CSMD1: variants seen among roughly 807,000 people sequenced by gnomAD.
The protein encoded by CSMD1 is CUB and Sushi multiple domains 1.
CSMD1 carries 213 observed loss-of-function variants against 417.5 expected under a neutral mutation model. The ratio of observed to expected loss-of-function variants is 0.51; its 90% CI spans 0.46 to 0.57. The LOEUF is 0.57. CSMD1 is among the 20% of genes least tolerant of loss of function. The pLI, the probability that CSMD1 is intolerant of heterozygous loss-of-function variation, is 0.00. For missense variants in CSMD1, 6,923 were observed against 4,529.7 expected, an observed-to-expected ratio of 1.53 and a Z score of -15.17; for synonymous variants, 2,862 against 1,736.8, an observed-to-expected ratio of 1.65 and a Z score of -16.11.
intron 27 of CSMD1, among the ~76,000 whole-genome samples, chr8:3,228,482 A>C (rs1798644159): frequency 1.3e-5 from 2 of 152,216 alleles, no homozygotes; most frequent in Non-Finnish European, 2.9e-5. Context: ...ATAATTGATT[A>C]TTCATCTGCC....
chr8:4,772,383 G>C (rs140154384), intron 1 of CSMD1, among the ~76,000 whole-genome samples: 229 of 152,224 alleles, frequency 1.5e-3, no homozygotes, highest in African/African-American at 5.2e-3. Context: ...TTGAGGACTT[G>C]AGTGGTTAGG....
rs542015291 is a variant in CSMD1 at position 3,601,519 on chromosome 8, G to A, written c.1097+15191C>T. Among the ~76,000 whole-genome samples, 339 of 152,264 alleles carry A rather than the reference G, an allele frequency of 2.2e-3. 2 individuals are homozygous for A. The highest frequency in any genetic ancestry group is 7.8e-3 in the African/African-American group (322 of 41,548). The stretch of plus-strand genomic sequence containing the variant: ...AGGCCAATGGTTACCAACCTCGCTT[G>A]CACATCAGAATCACAGCAGGCACTT... On this transcript the variant is annotated intron_variant, in intron 8 of 69. Transcript: ENST00000635120.
intron 1 of CSMD1, among the ~76,000 whole-genome samples, chr8:4,851,054 A>T (rs999818536): frequency 3.3e-5 from 5 of 151,848 alleles, no homozygotes; most frequent in African/African-American, 9.7e-5. Context: ...ACCCATTAAC[A>T]CATCATTTAG....
intron 3 of CSMD1, among the ~76,000 whole-genome samples, chr8:4,068,612 G>A (rs77845634): frequency 1.3e-5 from 2 of 151,894 alleles, no homozygotes; most frequent in South Asian, 2.1e-4. Context: ...AACATATCTA[G>A]TTCATATAAT....
chr8:3,287,619 A>G (rs1363527827), intron 25 of CSMD1, among the ~76,000 whole-genome samples: 2 of 152,252 alleles, frequency 1.3e-5, no homozygotes, highest in African/African-American at 4.8e-5. Context: ...TTATTGGCAT[A>G]TGAGAATGCT....
chr8:4,955,427 G>A (rs1337928186), intron 1 of CSMD1, among the ~76,000 whole-genome samples: 1 of 150,522 alleles, frequency 6.6e-6, no homozygotes, highest in African/African-American at 2.5e-5. Flanking sequence ...TTTGGTGGAT[G>A]CACTACTTCG....
intron 3 of CSMD1, among the ~76,000 whole-genome samples, chr8:4,197,038 A>G (rs1799377476): frequency 6.6e-6 from 1 of 152,176 alleles, no homozygotes; most frequent in Non-Finnish European, 1.5e-5. Context: ...CTTTTCTGTT[A>G]AATTTAACAA....
Position 4,027,022 on chromosome 8 carries a change from G to A in CSMD1, c.610+4883C>T, listed in dbSNP as rs917654918. On this transcript the variant is annotated intron_variant, in intron 4 of 69. Transcript: ENST00000635120. ...ATGACAGATAATAAGCTAACCACATGATGTCAAGGAACACAGAACTTGGAA... is the reference window on the plus strand; with the variant it reads ...ATGACAGATAATAAGCTAACCACATAATGTCAAGGAACACAGAACTTGGAA... 3.0e-4 allele frequency among the ~76,000 whole-genome samples: 45 copies of A among 152,178 alleles called. 1 individual carries two copies. Among genetic ancestry groups the A allele is most frequent in the Non-Finnish European group, 1.5e-4 (10 of 68,042 alleles).
chr8:4,976,323 G>T (rs1026692923), intron 1 of CSMD1, among the ~76,000 whole-genome samples: 1 of 152,098 alleles, frequency 6.6e-6, no homozygotes, highest in Non-Finnish European at 1.5e-5. Context: ...AGTTGCAGCT[G>T]TTCCTTCTCT....
chr8:4,741,357 T>G (rs1810594274), intron 1 of CSMD1, among the ~76,000 whole-genome samples: 1 of 152,360 alleles, frequency 6.6e-6, no homozygotes, highest in South Asian at 2.1e-4. Flanking sequence ...TACATTATTC[T>G]AATTCAGCAT....
intron 6 of CSMD1, among the ~76,000 whole-genome samples, chr8:3,718,868 G>C (rs11996752): frequency 6.6e-6 from 1 of 151,852 alleles, no homozygotes; most frequent in African/African-American, 2.4e-5. Context: ...TTTAAAGATT[G>C]TTTTACTTAG....
At chr8:3,620,945 G>C (rs1181181739) in intron 7 of CSMD1, among the ~76,000 whole-genome samples, 1 of 152,184 alleles carries the variant, frequency 6.6e-6, no homozygotes, top group Non-Finnish European at 1.5e-5. Context: ...TGTATTTGGA[G>C]ATAGAGACTT....
intron 1 of CSMD1, among the ~76,000 whole-genome samples, chr8:4,854,975 A>G (rs1287447635): frequency 2.0e-5 from 3 of 152,214 alleles, no homozygotes; most frequent in African/African-American, 7.2e-5. Context: ...ACAGACAAAC[A>G]AAAAGACATC....
At chr8:4,397,523 C>CTTTTTTTTTTTTTTTT (rs57745028) in intron 3 of CSMD1, among the ~76,000 whole-genome samples, 1 of 59,934 alleles carries the variant, frequency 1.7e-5, no homozygotes, top group African/African-American at 6.1e-5. Context: ...GCCTGAGACT[C>CTTTTTTTTTTTTTTTT]TTTTTTTTTT....
chr8:4,320,358 CTTT>C (rs1421752837), intron 3 of CSMD1, among the ~76,000 whole-genome samples: 2 of 151,482 alleles, frequency 1.3e-5, no homozygotes, highest in African/African-American at 4.8e-5. Flanking sequence ...ACAAATAAAC[CTTT>C]TTTATTATTA....
intron 18 of CSMD1, among the ~76,000 whole-genome samples, chr8:3,370,645 ATCAT>A (rs1432923975): frequency 1.3e-5 from 2 of 152,220 alleles, no homozygotes; most frequent in Non-Finnish European, 2.9e-5. Flanking sequence ...GTGAACTGGC[ATCAT>A]TCAATCTGCT....
At chr8:4,504,424 A>G (rs1802415883) in intron 2 of CSMD1, among the ~76,000 whole-genome samples, 1 of 152,184 alleles carries the variant, frequency 6.6e-6, no homozygotes. Flanking sequence ...ACAGCTGACA[A>G]TAGTGGGTTG....
intron 3 of CSMD1, among the ~76,000 whole-genome samples, chr8:4,322,447 T>C (rs1799324175): frequency 6.6e-6 from 1 of 151,930 alleles, no homozygotes; most frequent in African/African-American, 2.4e-5. Context: ...ATCATAAGAG[T>C]AGGAAAAACC....
chr8:3,773,995 T>G (rs888118624), intron 5 of CSMD1, among the ~76,000 whole-genome samples: 1 of 152,182 alleles, frequency 6.6e-6, no homozygotes, highest in Non-Finnish European at 1.5e-5. Context: ...TGCTCTTAAT[T>G]CTTTTACTTA....
Sources: gnomAD v4.1 joint callset for allele counts (sites outside exome capture counted in the v4.1 genomes callset) on GRCh38, gnomAD v4.1.1 for gene constraint, MANE v1.5 for transcripts, NCBI Gene and HGNC (gene_info 2026-07-23, HGNC 2026-07-21) for gene names.